KHDRBS2: variants seen among roughly 807,000 people sequenced by gnomAD.
KHDRBS2 encodes the protein KH domain-containing, RNA-binding, signal transduction-associated protein 2.
A neutral mutation model predicts 44.3 loss-of-function variants in KHDRBS2; 26 were observed. The observed-to-expected ratio is 0.59, with a 90% CI of 0.43 to 0.81. The LOEUF (loss-of-function observed/expected upper bound fraction) is 0.81. KHDRBS2 is among the 40% of genes least tolerant of loss of function. The pLI is 0.00. For missense variants in KHDRBS2, 476 were observed against 433.1 expected, an observed-to-expected ratio of 1.10 and a Z score of -0.88; for synonymous variants, 194 against 151.1, an observed-to-expected ratio of 1.28 and a Z score of -2.08.
At chr6:61,652,904 A>C in the KHDRBS2 span, among the ~76,000 whole-genome samples, 1 of 152,210 alleles carries the variant, frequency 6.6e-6, no homozygotes, top group South Asian at 2.1e-4. Context: ...CCGTGAGGAG[A>C]TATAAAAGAA....
chr6:61,793,081 T>C (rs1188116352), intron 6 of KHDRBS2, among the ~76,000 whole-genome samples: 4 of 151,970 alleles, frequency 2.6e-5, no homozygotes, highest in African/African-American at 7.2e-5. Context: ...AAGAGAATGC[T>C]CAGAAACAGA....
At chr6:62,131,871 T>A (rs1344030364) in intron 2 of KHDRBS2, among the ~76,000 whole-genome samples, 1 of 152,200 alleles carries the variant, frequency 6.6e-6, no homozygotes, top group Non-Finnish European at 1.5e-5. Context: ...TGGTTTATAC[T>A]TTTTTTGTTG....
At chr6:61,848,583 A>ACG (rs1230175923) in intron 6 of KHDRBS2, among the ~76,000 whole-genome samples, 1 of 104,394 alleles carries the variant, frequency 9.6e-6, no homozygotes, top group East Asian at 2.5e-4. Context: ...ATACATATAT[A>ACG]TATATATATA....
chr6:61,704,513 C>T (rs1769182205), intron 7 of KHDRBS2, among the ~76,000 whole-genome samples: 1 of 151,634 alleles, frequency 6.6e-6, no homozygotes, highest in Admixed American at 6.6e-5. Flanking sequence ...CTGGAGTGAC[C>T]GCGTATCAGT....
chr6:61,954,583 T>TATATGTGTATATACACATACATAC (rs1562510873), intron 4 of KHDRBS2, among the ~76,000 whole-genome samples: 4 of 139,824 alleles, frequency 2.9e-5, no homozygotes, highest in African/African-American at 1.1e-4. Flanking sequence ...TGTAGACATA[T>TATATGTGTATATACACATACATAC]TTATGTATAT....
At chr6:61,981,738 T>G (rs9453839) in intron 3 of KHDRBS2, among the ~76,000 whole-genome samples, 3,355 of 152,298 alleles carry the variant, frequency 0.022, 133 homozygotes, top group African/African-American at 0.077. Context: ...AGGATTCATG[T>G]TCTCTCACTT....
At chr6:61,624,610 A>G in the KHDRBS2 span, among the ~76,000 whole-genome samples, 44 of 152,212 alleles carry the variant, frequency 2.9e-4, no homozygotes, top group African/African-American at 1.0e-3. Context: ...AGTATGGTAC[A>G]AAATTGGGCT....
intron 6 of KHDRBS2, among the ~76,000 whole-genome samples, chr6:61,834,780 G>A (rs1792389314): frequency 6.6e-6 from 1 of 151,934 alleles, no homozygotes; most frequent in East Asian, 1.9e-4. Flanking sequence ...GGAGTCTTTT[G>A]TAAAATGGAT....
intron 6 of KHDRBS2, among the ~76,000 whole-genome samples, chr6:61,880,913 ATT>A (rs2127316868): frequency 6.6e-6 from 1 of 152,048 alleles, no homozygotes; most frequent in East Asian, 1.9e-4. Context: ...AGGGTCCTTC[ATT>A]TTGTTTATGC....
chr6:61,673,197 T>C, the KHDRBS2 span, among the ~76,000 whole-genome samples: 3,735 of 152,154 alleles, frequency 0.025, 71 homozygotes, highest in Middle Eastern at 0.075. Flanking sequence ...TTCTGTTCTA[T>C]TGATCTATAT....
chr6:62,051,732 A>G (rs1415292237), intron 2 of KHDRBS2, among the ~76,000 whole-genome samples: 9 of 152,104 alleles, frequency 5.9e-5, no homozygotes, highest in Non-Finnish European at 7.4e-5. Context: ...ATATTTGCAA[A>G]GCACACATCT....
chr6:61,599,897 G>C, the KHDRBS2 span, among the ~76,000 whole-genome samples: 1 of 152,070 alleles, frequency 6.6e-6, no homozygotes, highest in African/African-American at 2.4e-5. Context: ...CAAGCTATCA[G>C]GAATGTAGAA....
intron 6 of KHDRBS2, among the ~76,000 whole-genome samples, chr6:61,810,514 T>C (rs1376975004): frequency 6.6e-6 from 1 of 152,044 alleles, no homozygotes; most frequent in Non-Finnish European, 1.5e-5. Flanking sequence ...TAATAAATAA[T>C]AAATGCTTTG....
chr6:61,804,905 A>G (rs1670785328), intron 6 of KHDRBS2, among the ~76,000 whole-genome samples: 1 of 152,110 alleles, frequency 6.6e-6, no homozygotes, highest in African/African-American at 2.4e-5. Context: ...TGCCCTGGAG[A>G]CATTTTCCCT....
At chr6:61,808,254 A>T (rs1787491906) in intron 6 of KHDRBS2, among the ~76,000 whole-genome samples, 1 of 152,154 alleles carries the variant, frequency 6.6e-6, no homozygotes, top group South Asian at 2.1e-4. Context: ...TTCAAGGGAC[A>T]ATCACATTCA....
At chr6:62,040,725 C>G (rs1786297134) in intron 3 of KHDRBS2, among the ~76,000 whole-genome samples, 1 of 152,056 alleles carries the variant, frequency 6.6e-6, no homozygotes, top group Non-Finnish European at 1.5e-5. Flanking sequence ...TTTCAGAATC[C>G]TTTCAAGGCA....
chr6:61,978,692 C>G (rs1176635050), intron 3 of KHDRBS2, among the ~76,000 whole-genome samples: 1 of 152,068 alleles, frequency 6.6e-6, no homozygotes, highest in African/African-American at 2.4e-5. Context: ...GGTAACTATA[C>G]AAGTCAAGGC....
intron 8 of KHDRBS2, among the ~76,000 whole-genome samples, 156 bp downstream of exon 8, chr6:61,697,039 C>G (rs1306240564): frequency 1.3e-5 from 2 of 152,050 alleles, no homozygotes; most frequent in Non-Finnish European, 2.9e-5. Flanking sequence ...TTTTCTGGTA[C>G]TAGCTGTGTA....
intron 2 of KHDRBS2, among the ~76,000 whole-genome samples, chr6:62,106,975 C>T (rs1270759128): frequency 2.0e-5 from 3 of 152,130 alleles, no homozygotes; most frequent in African/African-American, 7.2e-5. Flanking sequence ...GACAAACCCA[C>T]AGCCAATATC....
Sources: gnomAD v4.1 joint callset for allele counts (sites outside exome capture counted in the v4.1 genomes callset) on GRCh38, gnomAD v4.1.1 for gene constraint, MANE v1.5 for transcripts, NCBI Gene and HGNC (gene_info 2026-07-23, HGNC 2026-07-21) for gene names.